Variants in KBTBD12 observed in about 807,000 individuals in gnomAD.
The protein encoded by KBTBD12 is kelch repeat and BTB domain containing 12.
In KBTBD12, 53 loss-of-function variants were observed where a neutral mutation model predicts 58.7. The observed-to-expected ratio is 0.90, with a 90% CI of 0.72 to 1.14. The LOEUF (loss-of-function observed/expected upper bound fraction) is 1.14. KBTBD12 is among the 50% of genes most tolerant of loss of function. The probability of loss-of-function intolerance (pLI) is 0.00; values close to 1 mark genes in which losing one functional copy is unlikely to be tolerated. For synonymous variants in KBTBD12, 236 were observed against 259.8 expected, an observed-to-expected ratio of 0.91 and a Z score of 0.88; for missense variants, 704 against 751.3, an observed-to-expected ratio of 0.94 and a Z score of 0.74.
At chr3:127,918,282 G>A (rs2107584613) in intron 1 of KBTBD12, among the ~76,000 whole-genome samples, 1 of 152,324 alleles carries the variant, frequency 6.6e-6, no homozygotes, top group Middle Eastern at 3.4e-3. Context: ...CAACCACAGT[G>A]TACACAACAC....
At chr3:127,947,406 C>G (rs1940107160) in intron 4 of KBTBD12, among the ~76,000 whole-genome samples, 1 of 152,182 alleles carries the variant, frequency 6.6e-6, no homozygotes, top group Non-Finnish European at 1.5e-5. Flanking sequence ...GGATGGTAAG[C>G]TGGAAGGATC....
At position 127,927,838 on chromosome 3, in the gene KBTBD12, G is replaced by A. The variant is rs1475368759; in HGVS notation, c.1145G>A (p.Ser382Asn). ...TTTCGAGAACTCTATGCTCTGGGCA[G>A]TATTCATAATGACCTTTATGTTATA... is the stretch of plus-strand genomic sequence containing the variant. ...AEFRELYALG[S>N]IHNDLYVIGG... The change falls in exon 3 of 6, where the codon AGT (serine) becomes AAT (asparagine). Residue 382 changes from serine to asparagine, a missense_variant. Transcript: ENST00000405109. 2 of 1,611,168 alleles carry A rather than the reference G, an allele frequency of 1.2e-6. No individual in the cohort carries two copies. The highest frequency in any genetic ancestry group is 1.3e-5 in the African/African-American group (1 of 74,832).
rs1464322308 is a variant in KBTBD12 at position 127,923,075 on chromosome 3, T to C, written c.14T>C (p.Ile5Thr). 4 of 1,601,648 alleles carry C rather than the reference T, an allele frequency of 2.5e-6. No individual in the cohort carries two copies. The highest frequency in any genetic ancestry group is 2.2e-5 in the South Asian group (2 of 90,506). Residue 5 changes from isoleucine (I) to threonine (T), a missense_variant, in exon 2 of 6, where the codon ATT becomes ACT. Physicochemically the swap from Ile to Thr is moderately conservative, Grantham distance 89 (BLOSUM62 -1). Coordinates refer to ENST00000405109, the MANE Select transcript of KBTBD12 (RefSeq NM_207335.4). MECK[I>T]EGKEKYQHSL... is the part of the protein sequence containing the mutation. ...GGAGAGTAGATCATGGAGTGCAAGATTGAGGGAAAAGAAAAATACCAACAT... is the reference window on the plus strand; with the variant it reads ...GGAGAGTAGATCATGGAGTGCAAGACTGAGGGAAAAGAAAAATACCAACAT...
chr3:127,983,983 C>A, intron 5 of KBTBD12, 114 bp from the exon 6 acceptor site: 2 of 773,384 alleles, frequency 2.6e-6, no homozygotes, highest in Non-Finnish European at 4.4e-6. Context: ...TTAACAGTAA[C>A]AGCAAGTGGA....
chr3:127,963,417 C>T, intron 5 of KBTBD12, 31 bp downstream of exon 5: 1 of 1,539,076 alleles, frequency 6.5e-7, no homozygotes, highest in South Asian at 1.2e-5. Flanking sequence ...ATTTTGTTAC[C>T]TCCTTTGGTG....
intron 4 of KBTBD12, among the ~76,000 whole-genome samples, chr3:127,937,721 CAACA>C (rs1375761814): frequency 2.6e-5 from 4 of 151,934 alleles, no homozygotes; most frequent in Non-Finnish European, 5.9e-5. Context: ...ATGCCAAGCA[CAACA>C]AACAAACAAG....
intron 4 of KBTBD12, among the ~76,000 whole-genome samples, chr3:127,930,689 G>T (rs2107593444): frequency 6.6e-6 from 1 of 152,300 alleles, no homozygotes; most frequent in East Asian, 1.9e-4. Flanking sequence ...GCCACAGATT[G>T]TGCCAATCCT....
chr3:127,919,264 C>G (rs563066926), intron 1 of KBTBD12, among the ~76,000 whole-genome samples: 1 of 151,954 alleles, frequency 6.6e-6, no homozygotes, highest in Non-Finnish European at 1.5e-5. Flanking sequence ...ACTTAAACAG[C>G]CTGTCACCCA....
At chr3:127,954,237 A>G (rs539517455) in intron 4 of KBTBD12, among the ~76,000 whole-genome samples, 1 of 152,342 alleles carries the variant, frequency 6.6e-6, no homozygotes, top group South Asian at 2.1e-4. Context: ...TTAGGTTAAT[A>G]TATCTTATTG....
Position 127,963,181 on chromosome 3 carries a change from C to A in KBTBD12, c.1493-8C>A. The A allele has an allele frequency of 6.3e-7, 1 of 1,588,550 alleles. No individual in the cohort carries two copies. On this transcript the variant is annotated splice_region_variant and splice_polypyrimidine_tract_variant and intron_variant, in intron 4 of 5. Coordinates refer to ENST00000405109, the MANE Select transcript of KBTBD12 (RefSeq NM_207335.4). ...GATCCTCTCATTTCTCCACATAATT[C>A]TCTGCAGGTGGCATTGGCTGTGTAG...
chr3:127,923,666 T>C lies in KBTBD12; in HGVS notation c.605T>C (p.Val202Ala), dbSNP rs1293117741. The change falls in exon 2 of 6, where the codon GTA becomes GCA. Residue 202 changes from valine to alanine, a missense_variant. Val to Ala is a moderately conservative substitution (Grantham distance 64, BLOSUM62 0). Transcript: ENST00000405109. The stretch of plus-strand genomic sequence containing the variant: ...ATTCTGGACTTAGTTCTGAGATGGG[T>C]AAATCATAACAAAGAATTGCGTACA... ...ESILDLVLRW[V>A]NHNKELRTVH... 4 of 1,613,686 alleles carry C rather than the reference T, an allele frequency of 2.5e-6. No homozygotes were observed. The Admixed American group carries it at 5.0e-5, about 20-fold the overall frequency.
chr3:127,951,788 A>G (rs575009638), intron 4 of KBTBD12, among the ~76,000 whole-genome samples: 3 of 152,226 alleles, frequency 2.0e-5, no homozygotes, highest in African/African-American at 7.2e-5. Flanking sequence ...TAGATTTAAG[A>G]CTCTGGATAA....
chr3:127,919,785 AAT>A (rs137987579), intron 1 of KBTBD12, among the ~76,000 whole-genome samples: 8,792 of 150,722 alleles, frequency 0.058, 282 homozygotes, highest in East Asian at 0.098. Flanking sequence ...CTCTCTCTCT[AAT>A]ATATATATAT....
At position 127,984,371 on chromosome 3, in the gene KBTBD12, A is replaced by G; in HGVS notation, c.*93A>G. On this transcript the variant is annotated 3_prime_UTR_variant, in exon 6 of 6. Coordinates refer to ENST00000405109, the MANE Select transcript of KBTBD12 (RefSeq NM_207335.4). ...CATCTCTGTCATGCCAGTCATGTGC[A>G]CTGCATGCGTAGTGGCCTGTGTGTG... The G allele has an allele frequency of 8.6e-7, 1 of 1,160,402 alleles. No homozygotes were observed. Among genetic ancestry groups the G allele is most frequent in the Non-Finnish European group, 1.2e-6 (1 of 804,498 alleles). 71.9% of individuals were successfully genotyped at this position (1,160,402 alleles called of 1,614,324 possible). A position where few individuals can be genotyped will look rare whatever the true frequency, so the allele number is the denominator to read the frequency against.
At chr3:127,945,744 C>A (rs1940068254) in intron 4 of KBTBD12, among the ~76,000 whole-genome samples, 1 of 147,816 alleles carries the variant, frequency 6.8e-6, no homozygotes, top group African/African-American at 2.5e-5. Flanking sequence ...AGTGGTGCAA[C>A]CTTGGCTTAC....
At chr3:127,948,819 T>G (rs1460527744) in intron 4 of KBTBD12, among the ~76,000 whole-genome samples, 3 of 152,120 alleles carry the variant, frequency 2.0e-5, no homozygotes, top group African/African-American at 7.2e-5. Context: ...TGTACCCAAA[T>G]TAGGATTTAA....
At position 127,923,971 on chromosome 3, in the gene KBTBD12, G is replaced by C. The variant is rs61268888; in HGVS notation, c.910G>C (p.Val304Leu). 0.14 allele frequency: 226,113 copies of C among 1,613,600 alleles called. 18,170 individuals are homozygous for C. The highest frequency in any genetic ancestry group is 0.31 in the South Asian group (28,048 of 91,058). The change falls in exon 2 of 6, where the codon GTA becomes CTA. Residue 304 changes from valine (V) to leucine (L), a missense_variant. Coordinates refer to ENST00000405109, the MANE Select transcript of KBTBD12 (RefSeq NM_207335.4). ...GGATGCCAGTTTTTGTTATGATCCT[G>C]TATCACGGAAAACCTATTTCATCTC... ...YGDASFCYDP[V>L]SRKTYFISSP...
At position 127,985,435 on chromosome 3, in the gene KBTBD12, G is replaced by A. The variant is rs1417378103; in HGVS notation, c.*1157G>A. The A allele has an allele frequency of 6.6e-6, 1 of 152,240 alleles. No individual in the cohort carries two copies. The highest frequency in any genetic ancestry group is 1.5e-5 in the Non-Finnish European group (1 of 68,054). The allele number at this position is 152,240 out of a possible 1,614,324, so 9.4% of individuals were successfully genotyped here. On this transcript the variant is annotated 3_prime_UTR_variant, in exon 6 of 6. Coordinates refer to ENST00000405109, the MANE Select transcript of KBTBD12 (RefSeq NM_207335.4). ...CCGTCTCTAATTCTGGAAGCACAGTGGATTCAATGAGGGCATCTTCATAGC... is the reference window on the plus strand; with the variant it reads ...CCGTCTCTAATTCTGGAAGCACAGTAGATTCAATGAGGGCATCTTCATAGC...
intron 5 of KBTBD12, among the ~76,000 whole-genome samples, chr3:127,968,716 C>T (rs767257309): frequency 1.8e-4 from 28 of 152,006 alleles, no homozygotes; most frequent in Non-Finnish European, 2.9e-4. Flanking sequence ...ACCACCATGG[C>T]ACACATTTAC....
Sources: allele counts gnomAD v4.1 joint callset (sites outside exome capture counted in the v4.1 genomes callset), GRCh38; gene constraint gnomAD v4.1.1; transcripts MANE v1.5; gene names NCBI Gene and HGNC (gene_info 2026-07-23, HGNC 2026-07-21).